Variants in ABTB1 observed in about 807,000 individuals in gnomAD.
ABTB1 encodes ankyrin repeat and BTB/POZ domain-containing protein 1.
Under a neutral mutation model 57.1 loss-of-function variants are expected in ABTB1, and 45 were observed. The ratio of observed to expected loss-of-function variants is 0.79; its 90% CI spans 0.62 to 1.01. The LOEUF (loss-of-function observed/expected upper bound fraction) is 1.01. ABTB1 is among the 50% of genes least tolerant of loss of function. ABTB1 has a pLI of 0.00. For missense variants in ABTB1, 630 were observed against 666.3 expected (o/e 0.95, Z 0.60); for synonymous variants, 302 against 275.4 (o/e 1.10, Z -0.95).
intron 1 of ABTB1, chr3:127,673,384 G>A (rs1184642499): frequency 4.2e-6 from 1 of 240,222 alleles, no homozygotes; most frequent in South Asian, 1.4e-4. Context: ...GTTCGCCCTG[G>A]TAGGGCCCGG....
intron 1 of ABTB1, chr3:127,674,175 A>G: frequency 1.7e-6 from 1 of 595,712 alleles, no homozygotes; most frequent in Non-Finnish European, 3.0e-6. Context: ...CAGCACTGAT[A>G]GCACACAGTG....
chr3:127,676,215 C>G lies in ABTB1; in HGVS notation c.321-57C>G. Reference sequence around the variant, plus strand: ...GGCCTGCACTGGGTTCTGAGTGCTCCGAGGAATGGGGTGGGGCTGTGCCAA... The same window carrying G: ...GGCCTGCACTGGGTTCTGAGTGCTCGGAGGAATGGGGTGGGGCTGTGCCAA... On this transcript the variant is annotated intron_variant, in intron 4 of 11. Coordinates refer to ENST00000232744, the MANE Select transcript of ABTB1 (RefSeq NM_172027.3). This position sits in a 1 kb window ranked among gnomAD's most constrained non-coding sequence, Gnocchi z 5.4. The G allele has an allele frequency of 6.2e-7, 1 of 1,604,226 alleles. No individual in the cohort carries two copies. Among genetic ancestry groups the G allele is most frequent in the African/African-American group, 1.3e-5 (1 of 74,862 alleles).
rs759380393 is a variant in ABTB1 at position 127,676,937 on chromosome 3, G to A, written c.527-30G>A. 2.2e-5 allele frequency: 36 copies of A among 1,601,684 alleles called. No individual in the cohort carries two copies. Among genetic ancestry groups the A allele is most frequent in the African/African-American group, 6.7e-5 (5 of 74,726 alleles). ...TGGGCCTGATGACAGCTGAGGTCCC[G>A]CAGGCCCTCATCCTCCCCACTGCCC... On this transcript the variant is annotated intron_variant, in intron 6 of 11. Transcript: ENST00000232744. This position sits in a 1 kb window ranked among gnomAD's most constrained non-coding sequence, Gnocchi z 5.4.
rs2074980184 is a variant in ABTB1 at position 127,676,251 on chromosome 3, T to C, written c.321-21T>C. 6.2e-7 allele frequency: 1 copy of C among 1,609,576 alleles called. No homozygotes were observed. ...GTGGGGCTGTGCCAAGTATCCTCCC[T>C]CCTGGCTTGTCCCTCCCCAGGCTTC... is the stretch of plus-strand genomic sequence containing the variant. On this transcript the variant is annotated intron_variant, in intron 4 of 11. Transcript: ENST00000232744. This position sits in a 1 kb window ranked among gnomAD's most constrained non-coding sequence, Gnocchi z 5.4.
At position 127,677,578 on chromosome 3, in the gene ABTB1, C is replaced by T. The variant is rs775507806; in HGVS notation, c.861+15C>T. 2 of 1,613,822 alleles carry T rather than the reference C, an allele frequency of 1.2e-6. No homozygotes were observed. The highest frequency in any genetic ancestry group is 3.3e-5 in the Admixed American group (2 of 60,020). On this transcript the variant is annotated intron_variant, in intron 9 of 11. Coordinates refer to ENST00000232744, the MANE Select transcript of ABTB1 (RefSeq NM_172027.3). ...TCTGCCACAAGGTGCCTGTGCCCTCCTGTTGCCCCTGGCCCCAGCCCGTTG... is the reference window on the plus strand; with the variant it reads ...TCTGCCACAAGGTGCCTGTGCCCTCTTGTTGCCCCTGGCCCCAGCCCGTTG...
intron 1 of ABTB1, 197 bp downstream of exon 1, chr3:127,673,278 C>T (rs2074892495): frequency 6.8e-6 from 3 of 440,832 alleles, no homozygotes; most frequent in Non-Finnish European, 1.1e-5. Context: ...GGCGGGGACA[C>T]TGATGGCCAT....
chr3:127,678,313 T>TGTGTGCGTGC (rs2075036304), intron 10 of ABTB1: 1 of 123,426 alleles, frequency 8.1e-6, no homozygotes, highest in South Asian at 1.5e-4. Flanking sequence ...AGAGAGTGTG[T>TGTGTGCGTGC]GTGTGCGTGC....
At chr3:127,673,786 C>T (rs1300690409) in intron 1 of ABTB1, among the ~76,000 whole-genome samples, 2 of 152,366 alleles carry the variant, frequency 1.3e-5, no homozygotes, top group African/African-American at 4.8e-5. Context: ...CATCCCGTGC[C>T]ACTCAAGAGT....
intron 1 of ABTB1, 78 bp from the exon 2 acceptor site, chr3:127,674,313 C>T: frequency 2.7e-5 from 41 of 1,544,062 alleles, no homozygotes; most frequent in Non-Finnish European, 3.6e-5. Flanking sequence ...GATGTTTTCT[C>T]TCCGTTCCTT....
Position 127,676,662 on chromosome 3 carries a change from G to C in ABTB1, c.526+81G>C. 2 of 1,563,060 alleles carry C rather than the reference G, an allele frequency of 1.3e-6. No homozygotes were observed. Among genetic ancestry groups the C allele is most frequent in the Non-Finnish European group, 1.8e-6 (2 of 1,137,804 alleles). ...CAGTACACCTAGGTGTGGCTGGGCT[G>C]ACCTTTCACCTCTAGACACTTCATG... On this transcript the variant is annotated intron_variant, in intron 6 of 11. Transcript: ENST00000232744. The surrounding 1 kb of genome is among the most constrained non-coding windows in gnomAD (Gnocchi z 5.4).
rs558624246 is a variant in ABTB1, at chr3:127,677,103, C to T, written c.643+20C>T. The T allele has an allele frequency of 5.6e-6, 9 of 1,613,742 alleles. No individual in the cohort carries two copies. In the East Asian group the frequency reaches 1.1e-4, roughly 20 times the overall value. ...AGTTTGGTGCGAGCAGGGTTTGGGG[C>T]CCGGGGCCATGGGTGCGGCCTGGCA... On this transcript the variant is annotated intron_variant, in intron 7 of 11. Transcript: ENST00000232744.
At position 127,677,736 on chromosome 3, in the gene ABTB1, A is replaced by G. The variant is rs1055460433; in HGVS notation, c.922A>G (p.Ser308Gly). 6.2e-7 allele frequency: 1 copy of G among 1,610,510 alleles called. No homozygotes were observed. Among genetic ancestry groups the G allele is most frequent in the South Asian group, 1.1e-5 (1 of 90,632 alleles). The change falls in exon 10 of 12, where the codon AGC (serine) becomes GGC (glycine). Residue 308 changes from serine (S) to glycine (G), a missense_variant. Ser to Gly is a moderately conservative substitution (Grantham distance 56). This residue lies in a region of ABTB1 where 579 missense variants were observed against 585.9 expected (regional missense o/e 0.99). Coordinates refer to ENST00000232744, the MANE Select transcript of ABTB1 (RefSeq NM_172027.3). ...CCTGCTGGATGACCACTTCCGAGAG[A>G]GCGAGGAGCCAGCGACCTCAGGGGG... ...RALLDDHFRE[S>G]EEPATSGGPP... is the part of the protein sequence containing the mutation.
In ABTB1 at chr3:127,677,001, C is replaced by G. The variant is rs376307688; in HGVS notation, c.561C>G (p.Asp187Glu). 3.7e-6 allele frequency: 6 copies of G among 1,613,930 alleles called. No individual in the cohort carries two copies. The highest frequency in any genetic ancestry group is 1.7e-5 in the Admixed American group (1 of 59,996). The stretch of plus-strand genomic sequence containing the variant: ...ACATTGGCGTAGAGCATGTGAGTGA[C>G]TGTGAGCGCCTGGCCAAGCAATGCC... The part of the protein sequence containing the change: ...RLDIGVEHVS[D>E]CERLAKQCQL... The change falls in exon 7 of 12, where the codon GAC (aspartate) becomes GAG (glutamate). Residue 187 changes from aspartate to glutamate, a missense_variant. Physicochemically the swap from Asp to Glu is conservative, Grantham distance 45. This residue lies in a region of ABTB1 where 579 missense variants were observed against 585.9 expected (regional missense o/e 0.99). Transcript: ENST00000232744.
At position 127,680,018 on chromosome 3, in the gene ABTB1, G is replaced by A. The variant is rs554345628; in HGVS notation, c.1063G>A (p.Val355Ile). 3.7e-5 allele frequency: 59 copies of A among 1,613,666 alleles called. 1 individual carries two copies. Among genetic ancestry groups the A allele is most frequent in the Admixed American group, 2.5e-4 (15 of 60,032 alleles). The change falls in exon 11 of 12, where the codon GTC becomes ATC. Residue 355 changes from valine (V) to isoleucine (I), a missense_variant. This residue lies in a region of ABTB1 where 579 missense variants were observed against 585.9 expected (regional missense o/e 0.99). Transcript: ENST00000232744. ...CGAGGCAGCCTATGATGTGCTGAGCGTCGCCGACATGTACCTGCTGCCAGG... is the reference window on the plus strand; with the variant it reads ...CGAGGCAGCCTATGATGTGCTGAGCATCGCCGACATGTACCTGCTGCCAGG... ...SPEAAYDVLS[V>I]ADMYLLPGLK...
rs768164213 is a variant in ABTB1 at position 127,673,001 on chromosome 3, C to T, written c.-25C>T. On this transcript the variant is annotated 5_prime_UTR_variant, in exon 1 of 12. Coordinates refer to ENST00000232744, the MANE Select transcript of ABTB1 (RefSeq NM_172027.3). Reference sequence around the variant, plus strand: ...CGCGGCTTCGCCGCCCGAGGTCGTTCGGCTCGGGTACCATCCTCCGCGCCA... The same window carrying T: ...CGCGGCTTCGCCGCCCGAGGTCGTTTGGCTCGGGTACCATCCTCCGCGCCA... 6 of 1,547,924 alleles carry T rather than the reference C, an allele frequency of 3.9e-6. No homozygotes were observed. The highest frequency in any genetic ancestry group is 2.8e-5 in the African/African-American group (2 of 71,210).
Position 127,677,755 on chromosome 3 carries a change from CA to C in ABTB1, c.942del (p.Gly316AlafsTer38). 2 of 1,611,720 alleles carry C rather than the reference CA, an allele frequency of 1.2e-6. No individual in the cohort carries two copies. The highest frequency in any genetic ancestry group is 1.7e-6 in the Non-Finnish European group (2 of 1,179,158). On this transcript the variant is annotated frameshift_variant, in exon 10 of 12. Coordinates refer to ENST00000232744, the MANE Select transcript of ABTB1 (RefSeq NM_172027.3). LOFTEE classifies it high-confidence loss of function. ...HFRESEEPAT[S>X]GGPPAVTLHG... ...CGAGAGAGCGAGGAGCCAGCGACCT[CA>C]GGGGGCCCCCCAGCCGTCACCCTGC...
intron 3 of ABTB1, 139 bp downstream of exon 3, chr3:127,674,739 A>C: frequency 9.6e-7 from 1 of 1,038,160 alleles, no homozygotes; most frequent in Non-Finnish European, 1.5e-6. Context: ...CACCCAGTCG[A>C]ATCAGCAAGT....
rs780126165 is a variant in ABTB1 at position 127,676,047 on chromosome 3, C to G, written c.253C>G (p.Leu85Val). The change falls in exon 4 of 12, where the codon CTA (leucine) becomes GTA (valine). Residue 85 changes from leucine (L) to valine (V), a missense_variant. Physicochemically the swap from Leu to Val is conservative, Grantham distance 32. Coordinates refer to ENST00000232744, the MANE Select transcript of ABTB1 (RefSeq NM_172027.3). This position sits in a 1 kb window ranked among gnomAD's most constrained non-coding sequence, Gnocchi z 5.4. The part of the protein sequence containing the change: ...GALSDPIRRA[L>V]RDYKQVTASC... Reference sequence around the variant, plus strand: ...ACTGAGTGACCCCATCCGCCGGGCTCTACGCGATTACAAGCAGGTCACGGC... The same window carrying G: ...ACTGAGTGACCCCATCCGCCGGGCTGTACGCGATTACAAGCAGGTCACGGC... 1 of 1,613,254 alleles carries G rather than the reference C, an allele frequency of 6.2e-7. No individual in the cohort carries two copies. Among genetic ancestry groups the G allele is most frequent in the Admixed American group, 1.7e-5 (1 of 60,012 alleles).
At chr3:127,675,673 C>T (rs1018755768) in intron 3 of ABTB1, 10 of 460,732 alleles carry the variant, frequency 2.2e-5, no homozygotes, top group African/African-American at 3.9e-5. Context: ...ACCTGTGTCT[C>T]GTTCACTGCT....
Sources: allele counts gnomAD v4.1 joint callset (sites outside exome capture counted in the v4.1 genomes callset), GRCh38; gene constraint gnomAD v4.1.1; regional missense constraint gnomAD v4.1.1; non-coding constraint Gnocchi (gnomAD v3.1); transcripts MANE v1.5; gene names NCBI Gene and HGNC (gene_info 2026-07-23, HGNC 2026-07-21).